Variants in LZTFL1 observed in about 807,000 individuals in gnomAD.
LZTFL1 encodes leucine zipper transcription factor-like protein 1.
Under a neutral mutation model 45.9 loss-of-function variants are expected in LZTFL1, and 25 were observed. That is an observed-to-expected ratio of 0.54 (90% CI 0.40 to 0.76). The LOEUF is 0.76. Ranked by LOEUF, LZTFL1 falls within the 30% of genes least tolerant of loss-of-function variation. The pLI, the probability that LZTFL1 is intolerant of heterozygous loss-of-function variation, is 0.00. For missense variants in LZTFL1, 277 were observed against 331.1 expected, an observed-to-expected ratio of 0.84 and a Z score of 1.27; for synonymous variants, 93 against 117.4, an observed-to-expected ratio of 0.79 and a Z score of 1.35.
At chr3:45,827,280 G>C (rs1700692742) in intron 9 of LZTFL1, 76 bp downstream of exon 9, 8 of 1,157,192 alleles carry the variant, frequency 6.9e-6, no homozygotes, top group Non-Finnish European at 1.0e-5. Flanking sequence ...GACCTCTCTG[G>C]AACAAGCTTA....
rs1363543034 is a variant in LZTFL1, at chr3:45,823,788, G to C, written c.*2526C>G. 2 of 152,138 alleles carry C rather than the reference G, an allele frequency of 1.3e-5. No individual in the cohort carries two copies. Among genetic ancestry groups the C allele is most frequent in the Non-Finnish European group, 2.9e-5 (2 of 68,040 alleles). 9.4% of individuals were successfully genotyped at this position (152,138 alleles called of 1,614,324 possible). On this transcript the variant is annotated 3_prime_UTR_variant, in exon 10 of 10. Transcript: ENST00000296135. ...TTGGAACATAGGCATTTACACATAA[G>C]CAGAGGGAAATCATTAATGCCAAAC... is the stretch of plus-strand genomic sequence containing the variant.
chr3:45,874,641 T>A (rs1701720716), intron 2 of LZTFL1, among the ~76,000 whole-genome samples: 1 of 152,190 alleles, frequency 6.6e-6, no homozygotes, highest in Non-Finnish European at 1.5e-5. Flanking sequence ...TGTCTCCAAT[T>A]AATAGTCTCC....
In LZTFL1 at chr3:45,901,876, C is replaced by A. The variant is rs759132458; in HGVS notation, c.-215+11244G>T. ...CTGTCGTCTATGTTGCTGGAGACAA[C>A]CTCAGGAGCACTCTCCCTCTGAGGG... is the stretch of plus-strand genomic sequence containing the variant. On this transcript the variant is annotated intron_variant, in intron 2 of 4. Transcript: ENST00000472635. This position sits in a 1 kb window ranked among gnomAD's most constrained non-coding sequence, Gnocchi z 4.3. 6.2e-7 allele frequency: 1 copy of A among 1,602,744 alleles called. No homozygotes were observed. The highest frequency in any genetic ancestry group is 2.2e-5 in the East Asian group (1 of 44,614).
At chr3:45,827,112 C>G (rs907023815) in intron 9 of LZTFL1, 42 of 447,714 alleles carry the variant, frequency 9.4e-5, no homozygotes, top group African/African-American at 8.2e-4. Context: ...GAATCCATTG[C>G]CAAGAGCAGC....
chr3:45,856,748 A>T (rs573565673), intron 3 of LZTFL1, among the ~76,000 whole-genome samples: 1 of 152,356 alleles, frequency 6.6e-6, no homozygotes, highest in South Asian at 2.1e-4. Context: ...GAAGACATTT[A>T]TGCAGCCAAC....
At chr3:45,891,827 A>G (rs573337644) in intron 2 of LZTFL1, among the ~76,000 whole-genome samples, 4 of 152,178 alleles carry the variant, frequency 2.6e-5, no homozygotes, top group African/African-American at 9.6e-5. Flanking sequence ...TTGGCCAATT[A>G]CTTTGCAGAA....
chr3:45,869,452 G>T (rs1701634606), intron 2 of LZTFL1, among the ~76,000 whole-genome samples: 1 of 152,166 alleles, frequency 6.6e-6, no homozygotes, highest in Non-Finnish European at 1.5e-5. Context: ...AGAAAACACG[G>T]TTAACGTTTC....
At chr3:45,833,743 G>T (rs576290083) in intron 4 of LZTFL1, among the ~76,000 whole-genome samples, 34 of 152,330 alleles carry the variant, frequency 2.2e-4, no homozygotes, top group Non-Finnish European at 4.1e-4. Flanking sequence ...CAACAATGGA[G>T]TATTTACGGT....
upstream of LZTFL1, among the ~76,000 whole-genome samples, chr3:45,844,896 TA>T (rs1701193453): frequency 6.6e-6 from 1 of 152,278 alleles, no homozygotes; most frequent in South Asian, 2.1e-4. Context: ...TGGTTCACCA[TA>T]AAATACAACT....
chr3:45,897,549 C>T (rs1575301982), intron 2 of LZTFL1: 2 of 1,526,292 alleles, frequency 1.3e-6, no homozygotes, highest in East Asian at 2.4e-5. Flanking sequence ...TTCTCCCATT[C>T]TGCTCCTGCA....
chr3:45,842,068 G>C lies in LZTFL1; in HGVS notation c.-77C>G. ...CCCGCCAAGCCTGGGATCGCCGAGG[G>C]TAGTTGGACCACAGAAAATGGGGAA... is the stretch of plus-strand genomic sequence containing the variant. On this transcript the variant is annotated 5_prime_UTR_variant, in exon 1 of 10. Transcript: ENST00000296135. 1 of 1,593,654 alleles carries C rather than the reference G, an allele frequency of 6.3e-7. No individual in the cohort carries two copies. Among genetic ancestry groups the C allele is most frequent in the South Asian group, 1.1e-5 (1 of 88,556 alleles).
intron 4 of LZTFL1, among the ~76,000 whole-genome samples, chr3:45,853,102 A>T (rs1235915588): frequency 6.6e-6 from 1 of 152,200 alleles, no homozygotes; most frequent in Admixed American, 6.5e-5. Context: ...GGTGGAACAG[A>T]TGGAAGGGCT....
intron 3 of LZTFL1, chr3:45,835,387 T>C (rs1700939110): frequency 1.8e-6 from 1 of 549,938 alleles, no homozygotes; most frequent in Admixed American, 3.4e-5. Context: ...TTGTAATACC[T>C]AGGAACAGTA....
intron 2 of LZTFL1, among the ~76,000 whole-genome samples, chr3:45,879,206 C>A (rs772555123): frequency 1.3e-5 from 2 of 152,196 alleles, no homozygotes; most frequent in Non-Finnish European, 2.9e-5. Context: ...GATCTGCACA[C>A]AGATGTTCAC....
chr3:45,839,301 G>C (rs1701045480), intron 1 of LZTFL1, among the ~76,000 whole-genome samples: 1 of 152,070 alleles, frequency 6.6e-6, no homozygotes, highest in South Asian at 2.1e-4. Flanking sequence ...TGTCAGCCAG[G>C]ATGGTCTCGA....
rs1477831572 is a variant in LZTFL1, at chr3:45,830,934, C to T, written c.579G>A (p.Gln193=). ...SKLEKALQDL[Q]LDQGNQKDFI... ...TCACCTTTTGATTTCCTTGATCAAG[C>T]TGTAAATCTTGCAGTGCTTTTTCTA... Residue 193 remains glutamine (Q), a synonymous_variant, in exon 7 of 10, where the codon CAG becomes CAA. Transcript: ENST00000296135. 2 of 1,614,012 alleles carry T rather than the reference C, an allele frequency of 1.2e-6. No homozygotes were observed. Among genetic ancestry groups the T allele is most frequent in the Non-Finnish European group, 1.7e-6 (2 of 1,179,916 alleles).
chr3:45,905,630 C>G (rs1702665279), intron 2 of LZTFL1, among the ~76,000 whole-genome samples: 1 of 152,230 alleles, frequency 6.6e-6, no homozygotes, highest in Non-Finnish European at 1.5e-5. Flanking sequence ...CAGAGCCGCC[C>G]TGCCCAAGCC....
At chr3:45,881,376 C>A (rs1330333988) in intron 2 of LZTFL1, among the ~76,000 whole-genome samples, 1 of 152,202 alleles carries the variant, frequency 6.6e-6, no homozygotes, top group Non-Finnish European at 1.5e-5. Flanking sequence ...CCCACAGCCT[C>A]CAACTGGTTT....
chr3:45,914,615 G>A (rs73064444), intron 1 of LZTFL1, among the ~76,000 whole-genome samples: 2,075 of 152,248 alleles, frequency 0.014, 19 homozygotes, highest in Middle Eastern at 0.024. Context: ...TAAAGCAAGA[G>A]AACCTTCTCC....
Sources: allele counts gnomAD v4.1 joint callset (sites outside exome capture counted in the v4.1 genomes callset), GRCh38; gene constraint gnomAD v4.1.1; non-coding constraint Gnocchi (gnomAD v3.1); transcripts MANE v1.5; gene names NCBI Gene and HGNC (gene_info 2026-07-23, HGNC 2026-07-21).